Variants in TLE1 observed in about 807,000 individuals in gnomAD.
TLE1 encodes the protein TLE family member 1, transcriptional corepressor, also known as transducin-like enhancer protein 1.
A neutral mutation model predicts 89.8 loss-of-function variants in TLE1; 21 were observed. The ratio of observed to expected loss-of-function variants is 0.23; its 90% CI spans 0.17 to 0.34. The LOEUF is 0.34. Ranked by LOEUF, TLE1 falls within the 10% of genes least tolerant of loss-of-function variation. The probability of loss-of-function intolerance (pLI) is 1.00; values close to 1 mark genes in which losing one functional copy is unlikely to be tolerated. For synonymous variants in TLE1, 447 were observed against 407.6 expected (o/e 1.10, Z -1.16); for missense variants, 795 against 1,031.2 (o/e 0.77, Z 3.14).
At chr9:81,662,199 A>G (rs1391213746) in intron 4 of TLE1, among the ~76,000 whole-genome samples, 1 of 152,148 alleles carries the variant, frequency 6.6e-6, no homozygotes, top group Non-Finnish European at 1.5e-5. Context: ...CCCTCCTAAT[A>G]AATCAGTTGT....
intron 5 of TLE1, among the ~76,000 whole-genome samples, 176 bp from the exon 6 acceptor site, chr9:81,652,464 G>C (rs1024675384): frequency 6.6e-6 from 1 of 152,118 alleles, no homozygotes; most frequent in Admixed American, 6.6e-5. Context: ...GAAAAACTGA[G>C]AATGGCGCTG....
chr9:81,631,974 G>T (rs1482761183), intron 8 of TLE1, among the ~76,000 whole-genome samples: 2 of 152,092 alleles, frequency 1.3e-5, no homozygotes, highest in African/African-American at 2.4e-5. Flanking sequence ...TGGTGGCACA[G>T]GCCTGTAATC....
At position 81,688,330 on chromosome 9, in the gene TLE1, G is replaced by T. The variant is rs906637381; in HGVS notation, c.-90C>A. The T allele has an allele frequency of 2.9e-6, 4 of 1,381,930 alleles. No individual in the cohort carries two copies. In the African/African-American group the frequency reaches 6.2e-5, roughly 21 times the overall value. The allele number at this position is 1,381,930 out of a possible 1,614,324, so 85.6% of individuals were successfully genotyped here. On this transcript the variant is annotated 5_prime_UTR_variant, in exon 1 of 20. Coordinates refer to ENST00000376499, the MANE Select transcript of TLE1 (RefSeq NM_005077.5). ...AATCCCGCCGAGGAAAATTAAGCCGGAAAGCCAAGCAGAAGCGGGGAGCGC... is the reference window on the plus strand; with the variant it reads ...AATCCCGCCGAGGAAAATTAAGCCGTAAAGCCAAGCAGAAGCGGGGAGCGC...
Position 81,590,951 on chromosome 9 carries a change from A to G in TLE1, c.1683T>C (p.Ala561=). Residue 561 remains alanine, a synonymous_variant, in exon 16 of 20, where the codon GCT becomes GCC. Coordinates refer to ENST00000376499, the MANE Select transcript of TLE1 (RefSeq NM_005077.5). ...GCTCCGCCTTGATGCGCGGGGTTGG[A>G]GCCGCCAGGTCCCAAATGGACAAAG... ...ASTLSIWDLA[A]PTPRIKAELT... is the part of the protein sequence containing the mutation. The G allele has an allele frequency of 6.2e-7, 1 of 1,614,240 alleles. No individual in the cohort carries two copies. The highest frequency in any genetic ancestry group is 8.5e-7 in the Non-Finnish European group (1 of 1,180,038).
At chr9:81,617,133 C>CAAAAAAAAA (rs56692367) in intron 9 of TLE1, among the ~76,000 whole-genome samples, 1 of 124,188 alleles carries the variant, frequency 8.1e-6, no homozygotes. Context: ...CTAGTTAATG[C>CAAAAAAAAA]AAAAAAAAAA....
At chr9:81,613,627 T>C in intron 11 of TLE1, 106 bp from the exon 12 acceptor site, 2 of 1,307,806 alleles carry the variant, frequency 1.5e-6, no homozygotes, top group Non-Finnish European at 2.1e-6. Flanking sequence ...AGCTACTCCC[T>C]CAGCCAATTT....
chr9:81,590,811 A>G lies in TLE1; in HGVS notation c.1823T>C (p.Leu608Pro). ...GACGACCATCTTTGCTCACCTCACT[A>G]GTGTCTGGTTGTGCAGATCCCACAC... ...IAVWDLHNQT[L>P]VRQFQGHTDG... The change falls in exon 16 of 20, where the codon CTA (leucine) becomes CCA (proline). Residue 608 changes from leucine (L) to proline (P), a missense_variant. By Grantham distance (98) the Leu-to-Pro change is moderately conservative. This residue lies in a region of TLE1 where 214 missense variants were observed against 354.9 expected (regional missense o/e 0.60). Transcript: ENST00000376499. The G allele has an allele frequency of 6.2e-7, 1 of 1,613,858 alleles. No homozygotes were observed. The highest frequency in any genetic ancestry group is 8.5e-7 in the Non-Finnish European group (1 of 1,179,980).
intron 14 of TLE1, among the ~76,000 whole-genome samples, chr9:81,609,627 T>G (rs990812078): frequency 2.0e-4 from 31 of 152,316 alleles, no homozygotes; most frequent in African/African-American, 7.5e-4. Context: ...TAACTTTTCC[T>G]GCTTCCCCAC....
intron 14 of TLE1, among the ~76,000 whole-genome samples, chr9:81,602,740 C>T (rs1284703984): frequency 6.6e-6 from 1 of 152,052 alleles, no homozygotes; most frequent in African/African-American, 2.4e-5. Flanking sequence ...ACACTGACAG[C>T]AATCTGATGA....
At chr9:81,603,597 A>G (rs1247855448) in intron 14 of TLE1, among the ~76,000 whole-genome samples, 1 of 152,168 alleles carries the variant, frequency 6.6e-6, no homozygotes, top group South Asian at 2.1e-4. Flanking sequence ...TGTCTCCCAC[A>G]AGTTTTCCCC....
chr9:81,613,309 T>C, intron 12 of TLE1, 68 bp downstream of exon 12: 1 of 1,584,798 alleles, frequency 6.3e-7, no homozygotes, highest in Non-Finnish European at 8.6e-7. Context: ...GTCACAACAT[T>C]AACAGACAAC....
chr9:81,585,897 A>C (rs1461874755), intron 17 of TLE1, among the ~76,000 whole-genome samples: 1 of 152,192 alleles, frequency 6.6e-6, no homozygotes, highest in Admixed American at 6.5e-5. Flanking sequence ...GATTCCTAAT[A>C]ATAATGGCAT....
chr9:81,626,554 T>G (rs1456167687), intron 8 of TLE1, among the ~76,000 whole-genome samples: 1 of 152,162 alleles, frequency 6.6e-6, no homozygotes, highest in Non-Finnish European at 1.5e-5. Flanking sequence ...GGCAACCATA[T>G]CATATCTCAG....
chr9:81,682,512 T>C (rs1299125709), intron 4 of TLE1, among the ~76,000 whole-genome samples: 8 of 152,250 alleles, frequency 5.3e-5, no homozygotes, highest in Non-Finnish European at 8.8e-5. Context: ...TTCATCAGCA[T>C]GCTGAAAAGA....
At chr9:81,656,258 T>C (rs1830135565) in intron 4 of TLE1, among the ~76,000 whole-genome samples, 1 of 120,178 alleles carries the variant, frequency 8.3e-6, no homozygotes, top group African/African-American at 2.6e-5. Flanking sequence ...CTCGAAAGCA[T>C]GGGCAAGGCT....
chr9:81,597,842 C>T (rs778724173), intron 14 of TLE1, among the ~76,000 whole-genome samples: 12 of 152,198 alleles, frequency 7.9e-5, no homozygotes, highest in Non-Finnish European at 1.6e-4. Flanking sequence ...CGGGCTCCTT[C>T]GCAGCTGTGG....
intron 13 of TLE1, 43 bp downstream of exon 13, chr9:81,611,726 C>T (rs761355337): frequency 6.3e-6 from 9 of 1,434,568 alleles, no homozygotes; most frequent in Non-Finnish European, 8.2e-6. Context: ...ATGGAGCATG[C>T]AGCGTTCCTA....
intron 8 of TLE1, among the ~76,000 whole-genome samples, chr9:81,629,363 CCTTT>C (rs1264247275): frequency 1.3e-5 from 2 of 152,028 alleles, no homozygotes; most frequent in Non-Finnish European, 2.9e-5. Flanking sequence ...GAAATAATGG[CCTTT>C]CTTAGGTCAT....
intron 4 of TLE1, among the ~76,000 whole-genome samples, chr9:81,674,198 G>A (rs1201567361): frequency 2.0e-5 from 3 of 152,172 alleles, no homozygotes; most frequent in African/African-American, 4.8e-5. Context: ...TAAACAAGCA[G>A]TATCAGCAAG....
Sources: gnomAD v4.1 joint callset for allele counts (sites outside exome capture counted in the v4.1 genomes callset) on GRCh38, gnomAD v4.1.1 for gene constraint, gnomAD v4.1.1 regional missense constraint, MANE v1.5 for transcripts, NCBI Gene and HGNC (gene_info 2026-07-23, HGNC 2026-07-21) for gene names.